The following OR10H4 variants were observed in gnomAD, a reference collection of about 807,000 sequenced individuals.
The protein encoded by OR10H4 is olfactory receptor family 10 subfamily H member 4.
Under a neutral mutation model 10.5 loss-of-function variants are expected in OR10H4, and 10 were observed. The ratio of observed to expected loss-of-function variants is 0.95; its 90% confidence interval spans 0.59 to 1.62. The LOEUF is 1.62. Among genes scored for constraint, OR10H4 ranks in the 40% most tolerant of loss-of-function variants. OR10H4 has a pLI of 0.00. For synonymous variants in OR10H4, 160 were observed against 149.4 expected, an observed-to-expected ratio of 1.07 and a Z score of -0.52; for missense variants, 397 against 391.5, an observed-to-expected ratio of 1.01 and a Z score of -0.12.
chr19:15,949,337 C>T lies in OR10H4; in HGVS notation c.330C>T (p.Phe110=), dbSNP rs146434797. Residue 110 remains phenylalanine, a synonymous_variant, in exon 1 of 1, where the codon TTC becomes TTT. Coordinates refer to ENST00000322107, the MANE Select transcript of OR10H4 (RefSeq NM_001004465.1). Reference sequence around the variant, plus strand: ...TGTTCTTCTCCTTCATGTTTGGCTTCACTCACTCCTTCCTTCTCCTGGTCA... The same window carrying T: ...TGTTCTTCTCCTTCATGTTTGGCTTTACTCACTCCTTCCTTCTCCTGGTCA... ...NQMFFSFMFG[F]THSFLLLVMG... is the part of the protein sequence containing the mutation. 2.1e-4 allele frequency: 341 copies of T among 1,614,050 alleles called. No individual in the cohort carries two copies. Among genetic ancestry groups the T allele is most frequent in the Non-Finnish European group, 2.7e-4 (323 of 1,180,032 alleles).
At position 15,949,334 on chromosome 19, in the gene OR10H4, C is replaced by T; in HGVS notation, c.327C>T (p.Gly109=). ...ANQMFFSFMF[G]FTHSFLLLVM... ...AGATGTTCTTCTCCTTCATGTTTGG[C>T]TTCACTCACTCCTTCCTTCTCCTGG... is the stretch of plus-strand genomic sequence containing the variant. Residue 109 remains glycine (G), a synonymous_variant, in exon 1 of 1, where the codon GGC becomes GGT. Transcript: ENST00000322107. 1.9e-6 allele frequency: 3 copies of T among 1,614,192 alleles called. No individual in the cohort carries two copies. The highest frequency in any genetic ancestry group is 2.5e-6 in the Non-Finnish European group (3 of 1,180,026).
In OR10H4 at chr19:15,949,706, C is replaced by T. The variant is rs370722157; in HGVS notation, c.699C>T (p.Ala233=). 4.3e-5 allele frequency: 70 copies of T among 1,614,002 alleles called. No individual in the cohort carries two copies. The highest frequency in any genetic ancestry group is 1.6e-4 in the Middle Eastern group (1 of 6,084). The change falls in exon 1 of 1, where the codon GCC becomes GCT. Residue 233 remains alanine, a synonymous_variant. Coordinates refer to ENST00000322107, the MANE Select transcript of OR10H4 (RefSeq NM_001004465.1). ...IVAAILRIPS[A]EGRHKTFSTC... ...CTGCCATCTTGAGGATTCCCTCTGC[C>T]GAAGGCCGGCACAAGACATTTTCTA... is the stretch of plus-strand genomic sequence containing the variant.
At position 15,949,870 on chromosome 19, in the gene OR10H4, G is replaced by C; in HGVS notation, c.863G>C (p.Ser288Thr). 1.2e-6 allele frequency: 2 copies of C among 1,613,982 alleles called. No homozygotes were observed. The highest frequency in any genetic ancestry group is 1.7e-6 in the Non-Finnish European group (2 of 1,180,030). ...TTYTVFTPFL[S>T]PIIFSLRNKE... ...TATACTGTCTTCACCCCCTTCCTTAGCCCAATCATTTTCAGCCTAAGGAAC... is the reference window on the plus strand; with the variant it reads ...TATACTGTCTTCACCCCCTTCCTTACCCCAATCATTTTCAGCCTAAGGAAC... Residue 288 changes from serine (S) to threonine (T), a missense_variant, in exon 1 of 1, where the codon AGC (serine) becomes ACC (threonine). Physicochemically the swap from Ser to Thr is moderately conservative, Grantham distance 58. Coordinates refer to ENST00000322107, the MANE Select transcript of OR10H4 (RefSeq NM_001004465.1).
chr19:15,949,216 C>T lies in OR10H4; in HGVS notation c.209C>T (p.Ser70Phe), dbSNP rs770121226. The T allele has an allele frequency of 2.1e-5, 34 of 1,614,116 alleles. No homozygotes were observed. The highest frequency in any genetic ancestry group is 2.7e-5 in the Non-Finnish European group (32 of 1,180,050). The part of the protein sequence containing the change: ...MYLFLCTLSV[S>F]EILFTVAITP... ...CTCTTCTTGTGCACCCTCTCCGTCT[C>T]TGAGATTCTGTTCACTGTTGCCATC... is the stretch of plus-strand genomic sequence containing the variant. The change falls in exon 1 of 1, where the codon TCT (serine) becomes TTT (phenylalanine). Residue 70 changes from serine (S) to phenylalanine (F), a missense_variant. Ser to Phe is a radical substitution (Grantham distance 155). Coordinates refer to ENST00000322107, the MANE Select transcript of OR10H4 (RefSeq NM_001004465.1).
At position 15,949,262 on chromosome 19, in the gene OR10H4, T is replaced by A. The variant is rs1599392674; in HGVS notation, c.255T>A (p.Asp85Glu). 2 of 1,614,234 alleles carry A rather than the reference T, an allele frequency of 1.2e-6. No individual in the cohort carries two copies. Among genetic ancestry groups the A allele is most frequent in the African/African-American group, 2.7e-5 (2 of 75,064 alleles). The change falls in exon 1 of 1, where the codon GAT (aspartate) becomes GAA (glutamate). Residue 85 changes from aspartate (D) to glutamate (E), a missense_variant. Asp to Glu is a conservative substitution (Grantham distance 45, BLOSUM62 2). Transcript: ENST00000322107. ...TVAITPRMLA[D>E]LLSTHHSITF... ...CCATCACCCCTCGCATGCTGGCTGA[T>A]CTGCTTTCCACCCATCATTCCATCA...
Position 15,949,603 on chromosome 19 carries a change from T to TG in OR10H4, c.599dup (p.Val201CysfsTer55). On this transcript the variant is annotated frameshift_variant, in exon 1 of 1. Transcript: ENST00000322107. LOFTEE classifies it high-confidence loss of function. ...GAAAACAAGACATCATCTGTCATCA[T>TG]GGGTGTGATGCTGGTGTGTGTCACA... 2 of 1,614,272 alleles carry TG rather than the reference T, an allele frequency of 1.2e-6. No homozygotes were observed. The highest frequency in any genetic ancestry group is 1.7e-6 in the Non-Finnish European group (2 of 1,180,042).
rs2089833193 is a variant in OR10H4 at position 15,949,489 on chromosome 19, C to T, written c.482C>T (p.Thr161Ile). The part of the protein sequence containing the change: ...AGGSVMGMMV[T>I]TIVFHLTFCG... ...GGCTCAGTCATGGGGATGATGGTGA[C>T]AACGATAGTTTTCCACCTCACTTTC... is the stretch of plus-strand genomic sequence containing the variant. The change falls in exon 1 of 1, where the codon ACA becomes ATA. Residue 161 changes from threonine to isoleucine, a missense_variant. Transcript: ENST00000322107. The T allele has an allele frequency of 1.2e-6, 2 of 1,614,214 alleles. No individual in the cohort carries two copies. The highest frequency in any genetic ancestry group is 2.2e-5 in the South Asian group (2 of 91,082).
rs1375933867 is a variant in OR10H4, at chr19:15,949,020, A to T, written c.13A>T (p.Asn5Tyr). Reference protein sequence around the residue: MPSQNYSIISEFNLF... With the variant: MPSQYYSIISEFNLF... ...AGATACAGTATCCATGCCTAGTCAG[A>T]ACTATAGCATCATATCTGAATTTAA... Residue 5 changes from asparagine (N) to tyrosine (Y), a missense_variant, in exon 1 of 1, where the codon AAC becomes TAC. Coordinates refer to ENST00000322107, the MANE Select transcript of OR10H4 (RefSeq NM_001004465.1). 1.9e-6 allele frequency: 3 copies of T among 1,609,690 alleles called. No homozygotes were observed. Among genetic ancestry groups the T allele is most frequent in the Non-Finnish European group, 2.5e-6 (3 of 1,176,712 alleles).
chr19:15,949,855 T>G lies in OR10H4; in HGVS notation c.848T>G (p.Phe283Cys). The G allele has an allele frequency of 6.2e-7, 1 of 1,614,072 alleles. No homozygotes were observed. The highest frequency in any genetic ancestry group is 1.3e-5 in the African/African-American group (1 of 75,054). ...TTGATGGCCACCACCTATACTGTCT[T>G]CACCCCCTTCCTTAGCCCAATCATT... Reference protein sequence around the residue: ...DALMATTYTVFTPFLSPIIFS... With the variant: ...DALMATTYTVCTPFLSPIIFS... Residue 283 changes from phenylalanine to cysteine, a missense_variant, in exon 1 of 1, where the codon TTC becomes TGC. Coordinates refer to ENST00000322107, the MANE Select transcript of OR10H4 (RefSeq NM_001004465.1).
In OR10H4 at chr19:15,949,535, C is replaced by A; in HGVS notation, c.528C>A (p.His176Gln). ...CTTTCTGTGGGTCTAATGTGATCCA[C>A]CATTTTTTCTGTCATGTGCTTTCCC... Reference protein sequence around the residue: ...HLTFCGSNVIHHFFCHVLSLL... With the variant: ...HLTFCGSNVIQHFFCHVLSLL... The change falls in exon 1 of 1, where the codon CAC (histidine) becomes CAA (glutamine). Residue 176 changes from histidine to glutamine, a missense_variant. His to Gln is a conservative substitution (Grantham distance 24). Transcript: ENST00000322107. The A allele has an allele frequency of 6.2e-7, 1 of 1,614,194 alleles. No individual in the cohort carries two copies. Among genetic ancestry groups the A allele is most frequent in the Non-Finnish European group, 8.5e-7 (1 of 1,180,026 alleles).
Position 15,949,763 on chromosome 19 carries a change from G to C in OR10H4, c.756G>C (p.Thr252=), listed in dbSNP as rs778154274. 1 of 1,614,104 alleles carries C rather than the reference G, an allele frequency of 6.2e-7. No individual in the cohort carries two copies. Among genetic ancestry groups the C allele is most frequent in the Admixed American group, 1.7e-5 (1 of 60,026 alleles). The part of the protein sequence containing the change: ...TCVSHLTVVV[T]HYSFASFIYL... ...TATCCCACCTCACTGTGGTGGTCAC[G>C]CACTATAGTTTTGCCTCCTTTATCT... Residue 252 remains threonine, a synonymous_variant, in exon 1 of 1, where the codon ACG becomes ACC. Transcript: ENST00000322107.
At position 15,949,651 on chromosome 19, in the gene OR10H4, T is replaced by C. The variant is rs759640387; in HGVS notation, c.644T>C (p.Leu215Pro). The C allele has an allele frequency of 3.1e-6, 5 of 1,614,248 alleles. No individual in the cohort carries two copies. The South Asian group carries it at 5.5e-5, about 18-fold the overall frequency. Residue 215 changes from leucine to proline, a missense_variant, in exon 1 of 1, where the codon CTC becomes CCC. Coordinates refer to ENST00000322107, the MANE Select transcript of OR10H4 (RefSeq NM_001004465.1). ...ACAGCCCTGATAGGCTGTTTATTCCTCATCATCCTCTCCTATGTCTTCATT... is the reference window on the plus strand; with the variant it reads ...ACAGCCCTGATAGGCTGTTTATTCCCCATCATCCTCTCCTATGTCTTCATT... ...CVTALIGCLF[L>P]IILSYVFIVA...
chr19:15,949,630 C>T lies in OR10H4; in HGVS notation c.623C>T (p.Ala208Val), dbSNP rs2089834042. The T allele has an allele frequency of 6.2e-7, 1 of 1,614,106 alleles. No individual in the cohort carries two copies. The highest frequency in any genetic ancestry group is 8.5e-7 in the Non-Finnish European group (1 of 1,180,050). ...IMGVMLVCVT[A>V]LIGCLFLIIL... ...GGTGTGATGCTGGTGTGTGTCACAG[C>T]CCTGATAGGCTGTTTATTCCTCATC... Residue 208 changes from alanine (A) to valine (V), a missense_variant, in exon 1 of 1, where the codon GCC becomes GTC. Coordinates refer to ENST00000322107, the MANE Select transcript of OR10H4 (RefSeq NM_001004465.1).
chr19:15,949,803 G>A lies in OR10H4; in HGVS notation c.796G>A (p.Gly266Ser), dbSNP rs146444738. Residue 266 changes from glycine to serine, a missense_variant, in exon 1 of 1, where the codon GGC becomes AGC. Physicochemically the swap from Gly to Ser is moderately conservative, Grantham distance 56 (BLOSUM62 0). Coordinates refer to ENST00000322107, the MANE Select transcript of OR10H4 (RefSeq NM_001004465.1). ...CTCCTTTATCTACCTCAAGCCCAAG[G>A]GCCTCCATTCTATGTACAGTGACGC... Reference protein sequence around the residue: ...FASFIYLKPKGLHSMYSDALM... With the variant: ...FASFIYLKPKSLHSMYSDALM... 1 of 1,614,050 alleles carries A rather than the reference G, an allele frequency of 6.2e-7. No homozygotes were observed. The highest frequency in any genetic ancestry group is 8.5e-7 in the Non-Finnish European group (1 of 1,180,016).
In OR10H4 at chr19:15,949,596, G is replaced by A. The variant is rs745590458; in HGVS notation, c.589G>A (p.Val197Ile). 2.5e-6 allele frequency: 4 copies of A among 1,614,226 alleles called. No individual in the cohort carries two copies. The highest frequency in any genetic ancestry group is 2.7e-5 in the African/African-American group (2 of 75,056). The change falls in exon 1 of 1, where the codon GTC (valine) becomes ATC (isoleucine). Residue 197 changes from valine to isoleucine, a missense_variant. Physicochemically the swap from Val to Ile is conservative, Grantham distance 29 (BLOSUM62 3). Coordinates refer to ENST00000322107, the MANE Select transcript of OR10H4 (RefSeq NM_001004465.1). ...GGCCTGTGAAAACAAGACATCATCT[G>A]TCATCATGGGTGTGATGCTGGTGTG... ...KLACENKTSS[V>I]IMGVMLVCVT... is the part of the protein sequence containing the mutation.
chr19:15,949,497 G>GTTTTCCACC lies in OR10H4; in HGVS notation c.492_500dup (p.Phe165_Leu167dup). On this transcript the variant is annotated inframe_insertion, in exon 1 of 1. Coordinates refer to ENST00000322107, the MANE Select transcript of OR10H4 (RefSeq NM_001004465.1). ...CATGGGGATGATGGTGACAACGATA[G>GTTTTCCACC]TTTTCCACCTCACTTTCTGTGGGTC... 6.2e-7 allele frequency: 1 copy of GTTTTCCACC among 1,614,216 alleles called. No homozygotes were observed. Among genetic ancestry groups the GTTTTCCACC allele is most frequent in the Non-Finnish European group, 8.5e-7 (1 of 1,180,040 alleles).
chr19:15,949,148 G>A lies in OR10H4; in HGVS notation c.141G>A (p.Met47Ile), dbSNP rs1402854772. 2 of 1,614,006 alleles carry A rather than the reference G, an allele frequency of 1.2e-6. No homozygotes were observed. The highest frequency in any genetic ancestry group is 3.3e-5 in the Admixed American group (2 of 60,006). ...LFTLLGNLLIMATIWIEHRLH... is the reference protein window; with the variant it reads ...LFTLLGNLLIIATIWIEHRLH... ...CATTGCTGGGCAACCTTCTCATCAT[G>A]GCCACAATCTGGATTGAACACAGAC... is the stretch of plus-strand genomic sequence containing the variant. Residue 47 changes from methionine to isoleucine, a missense_variant, in exon 1 of 1, where the codon ATG (methionine) becomes ATA (isoleucine). By Grantham distance (10) the Met-to-Ile change is conservative. Transcript: ENST00000322107.
chr19:15,949,608 G>A lies in OR10H4; in HGVS notation c.601G>A (p.Val201Met), dbSNP rs1263849299. 1.9e-6 allele frequency: 3 copies of A among 1,614,228 alleles called. No homozygotes were observed. Among genetic ancestry groups the A allele is most frequent in the Non-Finnish European group, 2.5e-6 (3 of 1,180,044 alleles). The change falls in exon 1 of 1, where the codon GTG becomes ATG. Residue 201 changes from valine (V) to methionine (M), a missense_variant. By Grantham distance (21) the Val-to-Met change is conservative (BLOSUM62 1). Coordinates refer to ENST00000322107, the MANE Select transcript of OR10H4 (RefSeq NM_001004465.1). Reference sequence around the variant, plus strand: ...CAAGACATCATCTGTCATCATGGGTGTGATGCTGGTGTGTGTCACAGCCCT... The same window carrying A: ...CAAGACATCATCTGTCATCATGGGTATGATGCTGGTGTGTGTCACAGCCCT... Reference protein sequence around the residue: ...ENKTSSVIMGVMLVCVTALIG... With the variant: ...ENKTSSVIMGMMLVCVTALIG...
rs751651699 is a variant in OR10H4 at position 15,949,291 on chromosome 19, T to C, written c.284T>C (p.Phe95Ser). 6.2e-7 allele frequency: 1 copy of C among 1,614,096 alleles called. No homozygotes were observed. Among genetic ancestry groups the C allele is most frequent in the Non-Finnish European group, 8.5e-7 (1 of 1,180,042 alleles). ...CTTTCCACCCATCATTCCATCACCT[T>C]TGTGGCTTGTGCCAACCAGATGTTC... Reference protein sequence around the residue: ...DLLSTHHSITFVACANQMFFS... With the variant: ...DLLSTHHSITSVACANQMFFS... The change falls in exon 1 of 1, where the codon TTT becomes TCT. Residue 95 changes from phenylalanine (F) to serine (S), a missense_variant. Physicochemically the swap from Phe to Ser is radical, Grantham distance 155 (BLOSUM62 -2). Transcript: ENST00000322107.
Sources: allele counts gnomAD v4.1 joint callset, GRCh38; gene constraint gnomAD v4.1.1; transcripts MANE v1.5; gene names NCBI Gene and HGNC (gene_info 2026-07-23, HGNC 2026-07-21).